Variants in AGAP1 observed in about 807,000 individuals in gnomAD.
AGAP1 encodes ArfGAP with GTPase domain, ankyrin repeat and PH domain 1, also known as arf-GAP with GTPase, ANK repeat and PH domain-containing protein 1.
In AGAP1, 29 loss-of-function variants were observed where a neutral mutation model predicts 105.3. The ratio of observed to expected loss-of-function variants is 0.28; its 90% CI spans 0.21 to 0.38. The LOEUF is 0.38. Among genes scored for constraint, AGAP1 ranks in the 10% least tolerant of loss-of-function variants. The pLI, the probability that AGAP1 is intolerant of heterozygous loss-of-function variation, is 1.00. For synonymous variants in AGAP1, 509 were observed against 485.9 expected (o/e 1.05, Z -0.63); for missense variants, 998 against 1,165.1 (o/e 0.86, Z 2.09).
At position 236,045,895 on chromosome 2, in the gene AGAP1, G is replaced by A. The variant is rs555360224; in HGVS notation, c.1892-3164G>A. On this transcript the variant is annotated intron_variant, in intron 15 of 17. Transcript: ENST00000304032. The surrounding 1 kb of genome is among the most constrained non-coding windows in gnomAD (Gnocchi z 6.9). ...CTAAGCAGAGGGTGGTGAGCATGGG[G>A]CCCTGGAACACTGTGCCCCCGCCCC... The A allele has an allele frequency of 8.8e-4, 411 of 467,328 alleles. 11 individuals carry two copies. The highest frequency in any genetic ancestry group is 5.7e-3 in the South Asian group (364 of 64,190). The allele number at this position is 467,328 out of a possible 1,614,324, so 28.9% of individuals were successfully genotyped here.
At chr2:235,764,131 C>T (rs926128600) in intron 6 of AGAP1, among the ~76,000 whole-genome samples, 3 of 152,272 alleles carry the variant, frequency 2.0e-5, no homozygotes, top group African/African-American at 7.2e-5. Context: ...CTTCCGTAAG[C>T]TCTTCCGACT....
intron 1 of AGAP1, among the ~76,000 whole-genome samples, chr2:235,647,903 T>G (rs1339123770): frequency 6.6e-6 from 1 of 151,818 alleles, no homozygotes; most frequent in African/African-American, 2.4e-5. Flanking sequence ...GCCACTAATT[T>G]CCCCCCTCTG....
At chr2:236,029,493 C>T (rs1350388161) in intron 13 of AGAP1, among the ~76,000 whole-genome samples, 1 of 151,488 alleles carries the variant, frequency 6.6e-6, no homozygotes, top group Non-Finnish European at 1.5e-5. Context: ...GCCATGTTGG[C>T]CAGGCAGGTC....
In AGAP1 at chr2:235,555,055, G is replaced by A. The variant is rs1397351553; in HGVS notation, c.163+60206G>A. Reference sequence around the variant, plus strand: ...GTCCTGGAGAGGAGGTGGAGCAGTTGCCTTCTCAGCATCGTGGGGTGGGGC... The same window carrying A: ...GTCCTGGAGAGGAGGTGGAGCAGTTACCTTCTCAGCATCGTGGGGTGGGGC... On this transcript the variant is annotated intron_variant, in intron 1 of 17. Coordinates refer to ENST00000304032, the MANE Select transcript of AGAP1 (RefSeq NM_001037131.3). This position sits in a 1 kb window ranked among gnomAD's most constrained non-coding sequence, Gnocchi z 5.1. 6.6e-6 allele frequency among the ~76,000 whole-genome samples: 1 copy of A among 152,208 alleles called. No homozygotes were observed. Among genetic ancestry groups the A allele is most frequent in the East Asian group, 1.9e-4 (1 of 5,188 alleles).
At position 235,586,008 on chromosome 2, in the gene AGAP1, A is replaced by C. The variant is rs1205566303; in HGVS notation, c.163+91159A>C. 6.6e-6 allele frequency among the ~76,000 whole-genome samples: 1 copy of C among 152,170 alleles called. No individual in the cohort carries two copies. The highest frequency in any genetic ancestry group is 1.5e-5 in the Non-Finnish European group (1 of 68,024). The stretch of plus-strand genomic sequence containing the variant: ...GCAGCTGCCACTGAGAAGTGTATTT[A>C]GGCAGGTTCTGGCAACAGACTTGGT... On this transcript the variant is annotated intron_variant, in intron 1 of 17. Coordinates refer to ENST00000304032, the MANE Select transcript of AGAP1 (RefSeq NM_001037131.3). This position sits in a 1 kb window ranked among gnomAD's most constrained non-coding sequence, Gnocchi z 4.2.
intron 11 of AGAP1, among the ~76,000 whole-genome samples, chr2:235,911,467 T>C (rs2051612644): frequency 6.6e-6 from 1 of 152,260 alleles, no homozygotes; most frequent in East Asian, 1.9e-4. Context: ...AGGGCACCAA[T>C]TCTGTGAAGA....
In AGAP1 at chr2:235,941,710, A is replaced by G. The variant is rs560267874; in HGVS notation, c.1483+10787A>G. 2.6e-5 allele frequency among the ~76,000 whole-genome samples: 4 copies of G among 152,324 alleles called. No individual in the cohort carries two copies. The South Asian group carries it at 8.3e-4, about 32-fold the overall frequency. On this transcript the variant is annotated intron_variant, in intron 12 of 17. Coordinates refer to ENST00000304032, the MANE Select transcript of AGAP1 (RefSeq NM_001037131.3). Reference sequence around the variant, plus strand: ...ATCGTATGCAGTGGTGTCCCAGGGTACATTGGGAAGTGACCCCAGAGAAGA... The same window carrying G: ...ATCGTATGCAGTGGTGTCCCAGGGTGCATTGGGAAGTGACCCCAGAGAAGA...
At chr2:235,685,768 G>T (rs191517240) in intron 1 of AGAP1, among the ~76,000 whole-genome samples, 1 of 152,170 alleles carries the variant, frequency 6.6e-6, no homozygotes, top group East Asian at 1.9e-4. Context: ...AGTTAATCTT[G>T]AAAGTTTACT....
At chr2:235,863,798 G>C (rs1050455499) in intron 9 of AGAP1, among the ~76,000 whole-genome samples, 1 of 152,214 alleles carries the variant, frequency 6.6e-6, no homozygotes, top group African/African-American at 2.4e-5. Context: ...AGTGATGTCT[G>C]CAGCTGTGGA....
rs914879659 is a variant in AGAP1, at chr2:235,906,448, T to C, written c.1156-2290T>C. The stretch of plus-strand genomic sequence containing the variant: ...AGGGGTCACCAGGGACCCTGAAACA[T>C]CTTGTCCCTCTGGGGCTGATGTAGG... On this transcript the variant is annotated intron_variant, in intron 10 of 17. Coordinates refer to ENST00000304032, the MANE Select transcript of AGAP1 (RefSeq NM_001037131.3). The surrounding 1 kb of genome is among the most constrained non-coding windows in gnomAD (Gnocchi z 5.3). 6.6e-6 allele frequency among the ~76,000 whole-genome samples: 1 copy of C among 152,096 alleles called. No individual in the cohort carries two copies.
rs1943968382 is a variant in AGAP1, at chr2:235,556,223, A to G, written c.163+61374A>G. 6.6e-6 allele frequency among the ~76,000 whole-genome samples: 1 copy of G among 152,232 alleles called. No homozygotes were observed. Among genetic ancestry groups the G allele is most frequent in the Admixed American group, 6.5e-5 (1 of 15,286 alleles). The stretch of plus-strand genomic sequence containing the variant: ...CTGCCCCCTCATGCCTTGGCCAATC[A>G]CAGAGCACCCTTTCTGTCCAGGCCA... On this transcript the variant is annotated intron_variant, in intron 1 of 17. Transcript: ENST00000304032. The surrounding 1 kb of genome is among the most constrained non-coding windows in gnomAD (Gnocchi z 5.3).
At chr2:235,704,345 C>T (rs115042990) in intron 1 of AGAP1, among the ~76,000 whole-genome samples, 1,598 of 152,250 alleles carry the variant, frequency 0.01, 30 homozygotes, top group Non-Finnish European at 0.014. Context: ...CTGCAGGGAG[C>T]TTGTTAGAAA....
rs1553556939 is a variant in AGAP1 at position 235,517,944 on chromosome 2, A to AAG, written c.163+23096_163+23097insGA. The stretch of plus-strand genomic sequence containing the variant: ...TGAGACTCCGTTTCAAAAAAAAAAA[A>AAG]AAAGAAAAAAAAAAGGTAGAACTCA... On this transcript the variant is annotated intron_variant, in intron 1 of 17. Transcript: ENST00000304032. The surrounding 1 kb of genome is among the most constrained non-coding windows in gnomAD (Gnocchi z 4.1). 9.2e-5 allele frequency among the ~76,000 whole-genome samples: 13 copies of AAG among 141,692 alleles called. 1 individual carries two copies. The highest frequency in any genetic ancestry group is 4.4e-4 in the South Asian group (2 of 4,548). The allele number at this position is 141,692 out of a possible 152,430, so 93.0% of individuals were successfully genotyped here. A position where few individuals can be genotyped will look rare whatever the true frequency, so the allele number is the denominator to read the frequency against.
At chr2:235,912,029 C>A (rs1460943809) in intron 11 of AGAP1, among the ~76,000 whole-genome samples, 1 of 152,208 alleles carries the variant, frequency 6.6e-6, no homozygotes, top group Non-Finnish European at 1.5e-5. Flanking sequence ...CAGGAGGGCG[C>A]AGATCTCAGA....
chr2:235,653,514 C>T (rs563929985), intron 1 of AGAP1, among the ~76,000 whole-genome samples: 1 of 148,380 alleles, frequency 6.7e-6, no homozygotes, highest in African/African-American at 2.6e-5. Flanking sequence ...CATAACATAA[C>T]ATAACATAAC....
chr2:235,557,810 A>G lies in AGAP1; in HGVS notation c.163+62961A>G, dbSNP rs140686317. Among the ~76,000 whole-genome samples the G allele has an allele frequency of 1.4e-4, 21 of 152,314 alleles. No homozygotes were observed. The highest frequency in any genetic ancestry group is 5.1e-4 in the African/African-American group (21 of 41,572). On this transcript the variant is annotated intron_variant, in intron 1 of 17. Transcript: ENST00000304032. This position sits in a 1 kb window ranked among gnomAD's most constrained non-coding sequence, Gnocchi z 4.7. The stretch of plus-strand genomic sequence containing the variant: ...CCTTATGAAAACAACGGACTTGGCT[A>G]CATTTCGACAAGGGGAAGTTAGACA...
At chr2:235,706,541 C>T (rs1392340077) in intron 1 of AGAP1, among the ~76,000 whole-genome samples, 1 of 152,174 alleles carries the variant, frequency 6.6e-6, no homozygotes, top group Admixed American at 6.6e-5. Context: ...ATTTTGCACC[C>T]CTCACCCCCG....
rs980461705 is a variant in AGAP1 at position 235,747,954 on chromosome 2, G to C, written c.539-2400G>C. Among the ~76,000 whole-genome samples, 1 of 152,270 alleles carries C rather than the reference G, an allele frequency of 6.6e-6. No homozygotes were observed. Among genetic ancestry groups the C allele is most frequent in the Non-Finnish European group, 1.5e-5 (1 of 68,050 alleles). On this transcript the variant is annotated intron_variant, in intron 5 of 17. Transcript: ENST00000304032. This position sits in a 1 kb window ranked among gnomAD's most constrained non-coding sequence, Gnocchi z 5.0. Reference sequence around the variant, plus strand: ...CCTCCGCCCGCTGGCGGGAGGGGCAGCTCTGCCAGCAGGAGCTCTTTCTGG... The same window carrying C: ...CCTCCGCCCGCTGGCGGGAGGGGCACCTCTGCCAGCAGGAGCTCTTTCTGG...
intron 16 of AGAP1, among the ~76,000 whole-genome samples, chr2:236,094,444 C>T (rs770172376): frequency 6.6e-6 from 1 of 151,638 alleles, no homozygotes; most frequent in African/African-American, 2.4e-5. Context: ...CTCCACCTCC[C>T]GGGATCAAGC....
Sources: gnomAD v4.1 joint callset for allele counts (sites outside exome capture counted in the v4.1 genomes callset) on GRCh38, gnomAD v4.1.1 for gene constraint, Gnocchi (gnomAD v3.1) non-coding constraint, MANE v1.5 for transcripts, NCBI Gene and HGNC (gene_info 2026-07-23, HGNC 2026-07-21) for gene names.